KLHL1: variants seen among roughly 807,000 people sequenced by gnomAD.
KLHL1 encodes kelch like family member 1, also known as kelch-like protein 1.
Under a neutral mutation model 77.7 loss-of-function variants are expected in KLHL1, and 47 were observed. The ratio of observed to expected loss-of-function variants is 0.60; its 90% confidence interval spans 0.48 to 0.77. The LOEUF is 0.77. KLHL1 is among the 30% of genes least tolerant of loss of function. The probability of loss-of-function intolerance (pLI) is 0.00; values close to 1 mark genes in which losing one functional copy is unlikely to be tolerated. For synonymous variants in KLHL1, 360 were observed against 325.2 expected, an observed-to-expected ratio of 1.11 and a Z score of -1.15; for missense variants, 925 against 910.8, an observed-to-expected ratio of 1.02 and a Z score of -0.20.
Position 69,708,242 on chromosome 13 carries a change from A to AG in KLHL1, c.2016-447dup, listed in dbSNP as rs537092083. On this transcript the variant is annotated intron_variant, in intron 9 of 10. Coordinates refer to ENST00000377844, the MANE Select transcript of KLHL1 (RefSeq NM_020866.3). The stretch of plus-strand genomic sequence containing the variant: ...TCTGAAAGTCTAGCCTAAATTTGCT[A>AG]GGAAAAAAAAGGAAAGATTTGTGCA... 2.0e-4 allele frequency among the ~76,000 whole-genome samples: 30 copies of AG among 152,146 alleles called. No homozygotes were observed. In the South Asian group the frequency reaches 6.2e-3, roughly 32 times the overall value.
At chr13:69,966,330 T>C (rs1347895999) in intron 2 of KLHL1, among the ~76,000 whole-genome samples, 1 of 152,100 alleles carries the variant, frequency 6.6e-6, no homozygotes, top group Non-Finnish European at 1.5e-5. Flanking sequence ...TCTTAAGAAT[T>C]ACGCTAATTC....
At chr13:70,083,611 T>C (rs945093610) in intron 1 of KLHL1, among the ~76,000 whole-genome samples, 3 of 152,190 alleles carry the variant, frequency 2.0e-5, no homozygotes, top group Non-Finnish European at 4.4e-5. Flanking sequence ...GTATATGCTG[T>C]CTAAATTATA....
At chr13:69,871,712 C>T (rs1254161533) in intron 5 of KLHL1, among the ~76,000 whole-genome samples, 1 of 151,240 alleles carries the variant, frequency 6.6e-6, no homozygotes, top group Non-Finnish European at 1.5e-5. Context: ...AGAACATGGA[C>T]ACAATTCGGC....
At chr13:70,029,848 G>A (rs1286512096) in intron 1 of KLHL1, among the ~76,000 whole-genome samples, 1 of 152,148 alleles carries the variant, frequency 6.6e-6, no homozygotes, top group Non-Finnish European at 1.5e-5. Flanking sequence ...CTGTATTCAT[G>A]AGACCCATCT....
chr13:69,941,839 A>G (rs1883374490), intron 3 of KLHL1, among the ~76,000 whole-genome samples: 1 of 151,938 alleles, frequency 6.6e-6, no homozygotes, highest in Non-Finnish European at 1.5e-5. Context: ...TGAACACCTT[A>G]TGTGCACAAA....
intron 2 of KLHL1, among the ~76,000 whole-genome samples, chr13:69,968,631 T>C (rs560001006): frequency 6.6e-6 from 1 of 152,084 alleles, no homozygotes; most frequent in Admixed American, 6.5e-5. Flanking sequence ...TGTGCATATG[T>C]ATGTATGTGT....
chr13:70,048,643 C>A (rs1247453968), intron 1 of KLHL1, among the ~76,000 whole-genome samples: 1 of 152,186 alleles, frequency 6.6e-6, no homozygotes, highest in Non-Finnish European at 1.5e-5. Context: ...ATGCAAGATC[C>A]CTCACATGCG....
chr13:70,069,512 C>T (rs1270249170), intron 1 of KLHL1, among the ~76,000 whole-genome samples: 3 of 152,116 alleles, frequency 2.0e-5, no homozygotes, highest in Admixed American at 6.5e-5. Context: ...ACATCATAAC[C>T]AGACTCAGAT....
intron 3 of KLHL1, among the ~76,000 whole-genome samples, chr13:69,953,471 T>C (rs908766736): frequency 6.6e-6 from 1 of 151,082 alleles, no homozygotes; most frequent in Non-Finnish European, 1.5e-5. Flanking sequence ...AAAATGTCCA[T>C]GGAAAAATTA....
intron 5 of KLHL1, among the ~76,000 whole-genome samples, chr13:69,879,241 T>C (rs558349929): frequency 2.5e-4 from 38 of 152,124 alleles, no homozygotes; most frequent in Non-Finnish European, 5.0e-4. Context: ...TGTGATTACT[T>C]CAGTAGTATA....
At chr13:69,953,163 T>A (rs958780282) in intron 3 of KLHL1, among the ~76,000 whole-genome samples, 3 of 151,420 alleles carry the variant, frequency 2.0e-5, no homozygotes, top group South Asian at 2.1e-4. Context: ...AAAATTAGAC[T>A]TAAAATTATG....
chr13:69,909,982 C>A (rs1882181478), intron 4 of KLHL1, among the ~76,000 whole-genome samples: 1 of 152,030 alleles, frequency 6.6e-6, no homozygotes, highest in Non-Finnish European at 1.5e-5. Context: ...TGGCAAATCT[C>A]ACTGTCTAAA....
At chr13:70,059,158 T>C (rs934830139) in intron 1 of KLHL1, among the ~76,000 whole-genome samples, 3 of 72,062 alleles carry the variant, frequency 4.2e-5, no homozygotes, top group Admixed American at 3.7e-4. Flanking sequence ...ATATTTCTTC[T>C]TTTTTTTTTT....
At chr13:69,732,901 C>T (rs1483796447) in intron 8 of KLHL1, among the ~76,000 whole-genome samples, 2 of 152,098 alleles carry the variant, frequency 1.3e-5, no homozygotes, top group African/African-American at 2.4e-5. Flanking sequence ...TAGCAGTTGA[C>T]TGAATTTCAG....
chr13:69,971,633 T>C (rs1884383733), intron 2 of KLHL1, among the ~76,000 whole-genome samples: 1 of 152,052 alleles, frequency 6.6e-6, no homozygotes, highest in Admixed American at 6.6e-5. Context: ...TGAAAAACTT[T>C]CATAATACTC....
At chr13:69,772,572 T>A (rs571312419) in intron 7 of KLHL1, among the ~76,000 whole-genome samples, 20 of 152,318 alleles carry the variant, frequency 1.3e-4, no homozygotes, top group African/African-American at 4.8e-4. Context: ...TTTCTAAATC[T>A]ACTCTAGTTT....
chr13:69,961,523 G>A (rs955694617), intron 2 of KLHL1, 79 bp from the exon 3 acceptor site: 2 of 1,446,654 alleles, frequency 1.4e-6, no homozygotes, highest in African/African-American at 2.8e-5. Flanking sequence ...GCAACACAGA[G>A]CACAAAATCA....
intron 3 of KLHL1, among the ~76,000 whole-genome samples, chr13:69,949,115 T>G (rs188734570): frequency 6.6e-6 from 1 of 151,912 alleles, no homozygotes; most frequent in African/African-American, 2.4e-5. Flanking sequence ...CATCTTACAT[T>G]CGTATGATAT....
intron 6 of KLHL1, among the ~76,000 whole-genome samples, chr13:69,837,689 C>CATATATACATATATACACAT (rs1566309243): frequency 1.3e-4 from 15 of 118,538 alleles, no homozygotes; most frequent in African/African-American, 5.0e-4. Flanking sequence ...TATATATATA[C>CATATATACATATATACACAT]ACATATATAT....
Sources: allele counts gnomAD v4.1 joint callset (sites outside exome capture counted in the v4.1 genomes callset), GRCh38; gene constraint gnomAD v4.1.1; transcripts MANE v1.5; gene names NCBI Gene and HGNC (gene_info 2026-07-23, HGNC 2026-07-21).